The following ADAMTS4 variants were observed in gnomAD, a reference collection of about 807,000 sequenced individuals.
The protein encoded by ADAMTS4 is A disintegrin and metalloproteinase with thrombospondin motifs 4.
ADAMTS4 carries 38 observed loss-of-function variants against 66.7 expected under a neutral mutation model. The ratio of observed to expected loss-of-function variants is 0.57; its 90% confidence interval spans 0.44 to 0.75. The LOEUF is 0.75. ADAMTS4 is among the 30% of genes least tolerant of loss of function. The pLI is 0.00. For synonymous variants in ADAMTS4, 418 were observed against 461.5 expected, an observed-to-expected ratio of 0.91 and a Z score of 1.21; for missense variants, 1,014 against 1,116.7, an observed-to-expected ratio of 0.91 and a Z score of 1.31.
chr1:161,192,046 G>A lies in ADAMTS4; in HGVS notation c.2087+19C>T. The stretch of plus-strand genomic sequence containing the variant: ...CAGAATGTCCAGGAAGGTAGAGGGA[G>A]GAATGATGGTGAAAGAACCTGAATT... On this transcript the variant is annotated intron_variant, in intron 8 of 8. Coordinates refer to ENST00000367996, the MANE Select transcript of ADAMTS4 (RefSeq NM_005099.6). 2 of 1,612,720 alleles carry A rather than the reference G, an allele frequency of 1.2e-6. No individual in the cohort carries two copies. Among genetic ancestry groups the A allele is most frequent in the Middle Eastern group, 3.3e-4 (2 of 6,060 alleles).
chr1:161,196,326 G>A, intron 2 of ADAMTS4, 23 bp from the exon 3 acceptor site: 1 of 1,584,162 alleles, frequency 6.3e-7, no homozygotes, highest in Admixed American at 1.8e-5. Flanking sequence ...ATCATAGAAG[G>A]TGCATAGACA....
At position 161,194,291 on chromosome 1, in the gene ADAMTS4, C is replaced by T; in HGVS notation, c.1262-70G>A. 1.3e-6 allele frequency: 2 copies of T among 1,486,586 alleles called. No individual in the cohort carries two copies. Among genetic ancestry groups the T allele is most frequent in the East Asian group, 2.3e-5 (1 of 43,712 alleles). The allele number at this position is 1,486,586 out of a possible 1,614,324, so 92.1% of individuals were successfully genotyped here. On this transcript the variant is annotated intron_variant, in intron 4 of 8. Transcript: ENST00000367996. This position sits in a 1 kb window ranked among gnomAD's most constrained non-coding sequence, Gnocchi z 4.1. Reference sequence around the variant, plus strand: ...AGCATTCAGGATTGCCAGCAGAAAGCTTAGGCTCCCTGGGGCCTGATGGAG... The same window carrying T: ...AGCATTCAGGATTGCCAGCAGAAAGTTTAGGCTCCCTGGGGCCTGATGGAG...
chr1:161,193,451 C>A lies in ADAMTS4; in HGVS notation c.1736-63G>T. On this transcript the variant is annotated intron_variant, in intron 6 of 8. Transcript: ENST00000367996. The surrounding 1 kb of genome is among the most constrained non-coding windows in gnomAD (Gnocchi z 4.4). ...CTCACATCACCCCACATCCCTCCACCCAACCCCTGAGAACTCTAGACAGCA... is the reference window on the plus strand; with the variant it reads ...CTCACATCACCCCACATCCCTCCACACAACCCCTGAGAACTCTAGACAGCA... 2 of 1,576,118 alleles carry A rather than the reference C, an allele frequency of 1.3e-6. No homozygotes were observed. Among genetic ancestry groups the A allele is most frequent in the Non-Finnish European group, 1.7e-6 (2 of 1,159,234 alleles).
chr1:161,194,304 G>A lies in ADAMTS4; in HGVS notation c.1262-83C>T. 7.5e-7 allele frequency: 1 copy of A among 1,331,490 alleles called. No individual in the cohort carries two copies. The highest frequency in any genetic ancestry group is 1.0e-6 in the Non-Finnish European group (1 of 961,228). The allele number at this position is 1,331,490 out of a possible 1,614,324, so 82.5% of individuals were successfully genotyped here. On this transcript the variant is annotated intron_variant, in intron 4 of 8. Transcript: ENST00000367996. This position sits in a 1 kb window ranked among gnomAD's most constrained non-coding sequence, Gnocchi z 4.1. ...GCCAGCAGAAAGCTTAGGCTCCCTG[G>A]GGCCTGATGGAGCCTAGAAAAACAA...
rs1405605582 is a variant in ADAMTS4, at chr1:161,198,326, C to G, written c.302G>C (p.Gly101Ala). The G allele has an allele frequency of 2.5e-6, 4 of 1,613,368 alleles. No individual in the cohort carries two copies. Among genetic ancestry groups the G allele is most frequent in the Middle Eastern group, 1.6e-4 (1 of 6,062 alleles). Residue 101 changes from glycine to alanine, a missense_variant, in exon 1 of 9, where the codon GGT becomes GCT. Coordinates refer to ENST00000367996, the MANE Select transcript of ADAMTS4 (RefSeq NM_005099.6). This position sits in a 1 kb window ranked among gnomAD's most constrained non-coding sequence, Gnocchi z 4.7. ...TLLLELEQDS[G>A]VQVEGLTVQY... Reference sequence around the variant, plus strand: ...CACTGTCAGCCCCTCGACCTGCACACCGGAGTCCTGCTCCAGCTCTAGTAG... The same window carrying G: ...CACTGTCAGCCCCTCGACCTGCACAGCGGAGTCCTGCTCCAGCTCTAGTAG...
rs774881907 is a variant in ADAMTS4, at chr1:161,191,098, G to A, written c.*40C>T. On this transcript the variant is annotated 3_prime_UTR_variant, in exon 9 of 9. Transcript: ENST00000367996. ...CTCTCTCTTTCTCCCAGCTAAGTCCGAGGCCCCGGTGCCCAGAAAGGGCAG... is the reference window on the plus strand; with the variant it reads ...CTCTCTCTTTCTCCCAGCTAAGTCCAAGGCCCCGGTGCCCAGAAAGGGCAG... The A allele has an allele frequency of 1.9e-5, 29 of 1,510,740 alleles. No homozygotes were observed. The highest frequency in any genetic ancestry group is 2.2e-5 in the Non-Finnish European group (25 of 1,131,284). The allele number at this position is 1,510,740 out of a possible 1,614,324, so 93.6% of individuals were successfully genotyped here.
Position 161,185,512 on chromosome 1 carries a change from C to T in ADAMTS4, c.*5626G>A, listed in dbSNP as rs908753744. On this transcript the variant is annotated 3_prime_UTR_variant, in exon 9 of 9. Transcript: ENST00000367996. ...TTCCTCCAGCTGTCATCTGGTTTCTCGTGGTGCCAATGATTTTGGCTTGGC... is the reference window on the plus strand; with the variant it reads ...TTCCTCCAGCTGTCATCTGGTTTCTTGTGGTGCCAATGATTTTGGCTTGGC... 5 of 151,936 alleles carry T rather than the reference C, an allele frequency of 3.3e-5. No homozygotes were observed. The highest frequency in any genetic ancestry group is 1.2e-4 in the African/African-American group (5 of 41,294). 9.4% of individuals were successfully genotyped at this position (151,936 alleles called of 1,614,324 possible).
In ADAMTS4 at chr1:161,193,644, G is replaced by A. The variant is rs570595101; in HGVS notation, c.1731C>T (p.Gly577=). 1 of 1,609,676 alleles carries A rather than the reference G, an allele frequency of 6.2e-7. No homozygotes were observed. Among genetic ancestry groups the A allele is most frequent in the Non-Finnish European group, 8.5e-7 (1 of 1,177,444 alleles). The change falls in exon 6 of 9, where the codon GGC becomes GGT. Residue 577 remains glycine (G), a synonymous_variant. Coordinates refer to ENST00000367996, the MANE Select transcript of ADAMTS4 (RefSeq NM_005099.6). This position sits in a 1 kb window ranked among gnomAD's most constrained non-coding sequence, Gnocchi z 4.4. ...CCCATCCCCCCTACTCCTCACCTGA[G>A]CCAGTTGGGCAGTCCTCAGTGTTGC... ...RSCNTEDCPT[G]SALTFREEQC... is the part of the protein sequence containing the mutation.
At position 161,198,931 on chromosome 1, in the gene ADAMTS4, C is replaced by T; in HGVS notation, c.-304G>A. The T allele has an allele frequency of 2.9e-6, 1 of 341,822 alleles. No individual in the cohort carries two copies. Among genetic ancestry groups the T allele is most frequent in the South Asian group, 9.9e-5 (1 of 10,090 alleles). The allele number at this position is 341,822 out of a possible 1,614,324, so 21.2% of individuals were successfully genotyped here. The stretch of plus-strand genomic sequence containing the variant: ...CTCTGGCCTCTCCCTCTGTAGGACT[C>T]TGTCTGGGCCGCTTCTGTGCCTGCC... On this transcript the variant is annotated 5_prime_UTR_variant, in exon 1 of 9. Coordinates refer to ENST00000367996, the MANE Select transcript of ADAMTS4 (RefSeq NM_005099.6). The surrounding 1 kb of genome is among the most constrained non-coding windows in gnomAD (Gnocchi z 4.7).
In ADAMTS4 at chr1:161,191,290, C is replaced by A; in HGVS notation, c.2362G>T (p.Ala788Ser). ...AQPLTLQVLVAGNPQDTRLRY... is the reference protein window; with the variant it reads ...AQPLTLQVLVSGNPQDTRLRY... ...AGGCGTGTGTCCTGGGGGTTGCCAGCCACTAGGACTTGCAGTGTCAAAGGC... is the reference window on the plus strand; with the variant it reads ...AGGCGTGTGTCCTGGGGGTTGCCAGACACTAGGACTTGCAGTGTCAAAGGC... The change falls in exon 9 of 9, where the codon GCT becomes TCT. Residue 788 changes from alanine to serine, a missense_variant. By Grantham distance (99) the Ala-to-Ser change is moderately conservative. Transcript: ENST00000367996. 1 of 1,613,940 alleles carries A rather than the reference C, an allele frequency of 6.2e-7. No homozygotes were observed.
At chr1:161,197,499 C>T (rs866632227) in intron 1 of ADAMTS4, 10 of 159,720 alleles carry the variant, frequency 6.3e-5, no homozygotes, top group Non-Finnish European at 1.4e-4. Context: ...TATGGGATAC[C>T]CTCCCTCTCT....
Position 161,191,085 on chromosome 1 carries a change from C to T in ADAMTS4, c.*53G>A. 6.7e-7 allele frequency: 1 copy of T among 1,500,806 alleles called. No individual in the cohort carries two copies. The highest frequency in any genetic ancestry group is 8.9e-7 in the Non-Finnish European group (1 of 1,126,622). 93.0% of individuals were successfully genotyped at this position (1,500,806 alleles called of 1,614,324 possible). On this transcript the variant is annotated 3_prime_UTR_variant, in exon 9 of 9. Transcript: ENST00000367996. ...GCAGCAACAGAAGCTCTCTCTTTCTCCCAGCTAAGTCCGAGGCCCCGGTGC... is the reference window on the plus strand; with the variant it reads ...GCAGCAACAGAAGCTCTCTCTTTCTTCCAGCTAAGTCCGAGGCCCCGGTGC...
chr1:161,191,210 G>T lies in ADAMTS4; in HGVS notation c.2442C>A (p.Pro814=), dbSNP rs1490510616. The T allele has an allele frequency of 6.2e-7, 1 of 1,610,602 alleles. No homozygotes were observed. Among genetic ancestry groups the T allele is most frequent in the African/African-American group, 1.3e-5 (1 of 74,900 alleles). The change falls in exon 9 of 9, where the codon CCC becomes CCA. Residue 814 remains proline, a synonymous_variant. Transcript: ENST00000367996. The part of the protein sequence containing the change: ...RPTPSTPRPT[P]QDWLHRRAQI... Reference sequence around the variant, plus strand: ...GTGCTCTTCGGTGCAGCCAGTCCTGGGGAGTGGGGCGTGGCGTTGAAGGGG... The same window carrying T: ...GTGCTCTTCGGTGCAGCCAGTCCTGTGGAGTGGGGCGTGGCGTTGAAGGGG...
At position 161,196,721 on chromosome 1, in the gene ADAMTS4, C is replaced by T; in HGVS notation, c.793G>A (p.Val265Met). The T allele has an allele frequency of 1.2e-6, 2 of 1,613,968 alleles. No individual in the cohort carries two copies. Among genetic ancestry groups the T allele is most frequent in the Non-Finnish European group, 8.5e-7 (1 of 1,180,042 alleles). The change falls in exon 2 of 9, where the codon GTG becomes ATG. Residue 265 changes from valine to methionine, a missense_variant. Val to Met is a conservative substitution (Grantham distance 21). Transcript: ENST00000367996. ...CCCAGGATCACTAGCCGAGTCACCACCAAGCTGACAGGATTGCGGATGCTT... is the reference window on the plus strand; with the variant it reads ...CCCAGGATCACTAGCCGAGTCACCATCAAGCTGACAGGATTGCGGATGCTT... ...HPSIRNPVSL[V>M]VTRLVILGSG...
At chr1:161,196,130 C>T (rs1290325566) in intron 3 of ADAMTS4, 41 bp downstream of exon 3, 1 of 1,527,476 alleles carries the variant, frequency 6.5e-7, no homozygotes, top group Non-Finnish European at 8.8e-7. Flanking sequence ...CCTCCCCCAC[C>T]TTCTCCTCCC....
intron 7 of ADAMTS4, among the ~76,000 whole-genome samples, chr1:161,192,539 A>G (rs1181659515): frequency 6.6e-6 from 1 of 152,040 alleles, no homozygotes; most frequent in Middle Eastern, 3.2e-3. Flanking sequence ...GTTTTTAGGG[A>G]TGGAACGTTG....
rs199775251 is a variant in ADAMTS4 at position 161,193,996 on chromosome 1, C to T, written c.1487G>A (p.Gly496Glu). ...HSPWADGTPC[G>E]PAQACMGGRC... Reference sequence around the variant, plus strand: ...ACCACCCATGCAGGCCTGTGCGGGCCCGCAGGGTGTGCCATCGGCCCAGGG... The same window carrying T: ...ACCACCCATGCAGGCCTGTGCGGGCTCGCAGGGTGTGCCATCGGCCCAGGG... Residue 496 changes from glycine to glutamate, a missense_variant, in exon 5 of 9, where the codon GGG (glycine) becomes GAG (glutamate). By Grantham distance (98) the Gly-to-Glu change is moderately conservative. Coordinates refer to ENST00000367996, the MANE Select transcript of ADAMTS4 (RefSeq NM_005099.6). The surrounding 1 kb of genome is among the most constrained non-coding windows in gnomAD (Gnocchi z 4.4). The T allele has an allele frequency of 6.2e-7, 1 of 1,612,310 alleles. No individual in the cohort carries two copies. The highest frequency in any genetic ancestry group is 8.5e-7 in the Non-Finnish European group (1 of 1,178,966).
At chr1:161,197,194 G>A (rs1571586603) in intron 1 of ADAMTS4, 2 of 326,376 alleles carry the variant, frequency 6.1e-6, no homozygotes, top group Non-Finnish European at 1.1e-5. Context: ...AGGGACTTTG[G>A]GGTTCTCCAG....
At position 161,192,137 on chromosome 1, in the gene ADAMTS4, A is replaced by T; in HGVS notation, c.2015T>A (p.Phe672Tyr). 1 of 1,614,090 alleles carries T rather than the reference A, an allele frequency of 6.2e-7. No individual in the cohort carries two copies. The highest frequency in any genetic ancestry group is 8.5e-7 in the Non-Finnish European group (1 of 1,180,016). The change falls in exon 8 of 9, where the codon TTT becomes TAT. Residue 672 changes from phenylalanine (F) to tyrosine (Y), a missense_variant. Coordinates refer to ENST00000367996, the MANE Select transcript of ADAMTS4 (RefSeq NM_005099.6). Reference protein sequence around the residue: ...CDRIIGSKKKFDKCMVCGGDG... With the variant: ...CDRIIGSKKKYDKCMVCGGDG... Reference sequence around the variant, plus strand: ...CCCTCCGCACACCATGCACTTGTCAAACTTCTTCTTGGAGCCAATGATGCG... The same window carrying T: ...CCCTCCGCACACCATGCACTTGTCATACTTCTTCTTGGAGCCAATGATGCG...
Sources: allele counts gnomAD v4.1 joint callset (sites outside exome capture counted in the v4.1 genomes callset), GRCh38; gene constraint gnomAD v4.1.1; non-coding constraint Gnocchi (gnomAD v3.1); transcripts MANE v1.5; gene names NCBI Gene and HGNC (gene_info 2026-07-23, HGNC 2026-07-21).